The following AGAP1 variants were observed in gnomAD, a reference collection of about 807,000 sequenced individuals.
AGAP1 encodes the protein ArfGAP with GTPase domain, ankyrin repeat and PH domain 1, also known as arf-GAP with GTPase, ANK repeat and PH domain-containing protein 1.
In AGAP1, 29 loss-of-function variants were observed where a neutral mutation model predicts 105.3. The ratio of observed to expected loss-of-function variants is 0.28; its 90% CI spans 0.21 to 0.38. The LOEUF (loss-of-function observed/expected upper bound fraction) is 0.38. Ranked by LOEUF, AGAP1 falls within the 10% of genes least tolerant of loss-of-function variation. AGAP1 has a pLI of 1.00. For missense variants in AGAP1, 998 were observed against 1,165.1 expected, an observed-to-expected ratio of 0.86 and a Z score of 2.09; for synonymous variants, 509 against 485.9, an observed-to-expected ratio of 1.05 and a Z score of -0.63.
intron 1 of AGAP1, among the ~76,000 whole-genome samples, chr2:235,530,952 G>T (rs1943023322): frequency 6.6e-6 from 1 of 152,184 alleles, no homozygotes; most frequent in African/African-American, 2.4e-5. Context: ...TTGGGGCTGA[G>T]CCAGTCAACA....
rs1420192223 is a variant in AGAP1, at chr2:236,000,902, G to A, written c.1645+32279G>A. Among the ~76,000 whole-genome samples the A allele has an allele frequency of 1.3e-5, 2 of 152,190 alleles. No homozygotes were observed. Among genetic ancestry groups the A allele is most frequent in the Non-Finnish European group, 1.5e-5 (1 of 68,030 alleles). ...TGTGTGGAAGGAACCAGGGCCAAGC[G>A]AGGGAGGCAGATGCCGCGTGGCGTG... On this transcript the variant is annotated intron_variant, in intron 13 of 17. Coordinates refer to ENST00000304032, the MANE Select transcript of AGAP1 (RefSeq NM_001037131.3). This position sits in a 1 kb window ranked among gnomAD's most constrained non-coding sequence, Gnocchi z 4.3.
intron 1 of AGAP1, among the ~76,000 whole-genome samples, chr2:235,616,751 C>G (rs1559291628): frequency 6.6e-6 from 1 of 152,202 alleles, no homozygotes; most frequent in Non-Finnish European, 1.5e-5. Flanking sequence ...ATAAATGTTT[C>G]TGTCCTGAAC....
At chr2:235,838,071 A>T (rs1218898989) in intron 9 of AGAP1, among the ~76,000 whole-genome samples, 4 of 152,318 alleles carry the variant, frequency 2.6e-5, no homozygotes, top group Non-Finnish European at 5.9e-5. Flanking sequence ...ATGTAGTCCC[A>T]GCTACTTGGG....
chr2:235,806,551 G>A (rs142249877), intron 8 of AGAP1, among the ~76,000 whole-genome samples: 22 of 152,306 alleles, frequency 1.4e-4, no homozygotes, highest in Non-Finnish European at 2.8e-4. Flanking sequence ...TCCGCAGCAC[G>A]TCAGCAGTGC....
chr2:235,713,386 G>C (rs992173399), intron 2 of AGAP1, among the ~76,000 whole-genome samples: 1 of 152,230 alleles, frequency 6.6e-6, no homozygotes, highest in African/African-American at 2.4e-5. Context: ...CACACAGCCT[G>C]GCTTGAGCCT....
intron 1 of AGAP1, among the ~76,000 whole-genome samples, chr2:235,523,831 C>T (rs1358205716): frequency 2.0e-5 from 3 of 150,730 alleles, no homozygotes; most frequent in Non-Finnish European, 4.4e-5. Flanking sequence ...CCTGCTTGGA[C>T]GTAGCAGGGG....
intron 9 of AGAP1, among the ~76,000 whole-genome samples, chr2:235,850,050 T>G (rs1193466259): frequency 6.6e-6 from 1 of 152,210 alleles, no homozygotes; most frequent in African/African-American, 2.4e-5. Flanking sequence ...AGGTCTGGCC[T>G]GGCACCTGCC....
chr2:236,067,902 C>T (rs1051148097), intron 16 of AGAP1, among the ~76,000 whole-genome samples: 3 of 152,076 alleles, frequency 2.0e-5, no homozygotes, highest in Non-Finnish European at 2.9e-5. Flanking sequence ...GTCAGCCATC[C>T]GTCCTGTGCT....
At position 235,600,101 on chromosome 2, in the gene AGAP1, C is replaced by T. The variant is rs553293239; in HGVS notation, c.163+105252C>T. Among the ~76,000 whole-genome samples, 8 of 152,290 alleles carry T rather than the reference C, an allele frequency of 5.3e-5. No homozygotes were observed. Among genetic ancestry groups the T allele is most frequent in the African/African-American group, 1.9e-4 (8 of 41,558 alleles). On this transcript the variant is annotated intron_variant, in intron 1 of 17. Transcript: ENST00000304032. The surrounding 1 kb of genome is among the most constrained non-coding windows in gnomAD (Gnocchi z 4.8). ...CCTCTCTCCATCCCAGCCTTTCTTCCTCTCTCGTAACTGTTATTTACTCAG... is the reference window on the plus strand; with the variant it reads ...CCTCTCTCCATCCCAGCCTTTCTTCTTCTCTCGTAACTGTTATTTACTCAG...
Position 235,549,749 on chromosome 2 carries a change from A to G in AGAP1, c.163+54900A>G, listed in dbSNP as rs1000726032. Among the ~76,000 whole-genome samples the G allele has an allele frequency of 1.3e-5, 2 of 152,324 alleles. No homozygotes were observed. Among genetic ancestry groups the G allele is most frequent in the African/African-American group, 4.8e-5 (2 of 41,568 alleles). ...GAGTGCTCTTAGCAGTTCGCGTTCT[A>G]TATAGAACTGTTTACACCTCTCAGG... is the stretch of plus-strand genomic sequence containing the variant. On this transcript the variant is annotated intron_variant, in intron 1 of 17. Transcript: ENST00000304032. This position sits in a 1 kb window ranked among gnomAD's most constrained non-coding sequence, Gnocchi z 4.2.
rs1951000657 is a variant in AGAP1, at chr2:235,714,533, G to A, written c.223-3024G>A. 6.6e-6 allele frequency among the ~76,000 whole-genome samples: 1 copy of A among 151,814 alleles called. No homozygotes were observed. The highest frequency in any genetic ancestry group is 1.5e-5 in the Non-Finnish European group (1 of 67,966). ...GGCTTGGTAGCTGATTGACTAGAAG[G>A]CCAAGCAGGGAGCGGGCAGATGAGA... On this transcript the variant is annotated intron_variant, in intron 2 of 17. Coordinates refer to ENST00000304032, the MANE Select transcript of AGAP1 (RefSeq NM_001037131.3). This position sits in a 1 kb window ranked among gnomAD's most constrained non-coding sequence, Gnocchi z 4.1.
intron 10 of AGAP1, among the ~76,000 whole-genome samples, chr2:235,885,020 T>C (rs1250461910): frequency 6.6e-6 from 1 of 152,220 alleles, no homozygotes; most frequent in Non-Finnish European, 1.5e-5. Flanking sequence ...AGCCAAGCTA[T>C]TAATTTTTAA....
chr2:235,641,797 T>A lies in AGAP1; in HGVS notation c.164-67382T>A, dbSNP rs547747472. Among the ~76,000 whole-genome samples the A allele has an allele frequency of 5.2e-5, 8 of 152,398 alleles. No individual in the cohort carries two copies. In the South Asian group the frequency reaches 1.4e-3, roughly 28 times the overall value. On this transcript the variant is annotated intron_variant, in intron 1 of 17. Transcript: ENST00000304032. ...ATCTAATTTCAACACATTACCTGAT[T>A]CAGTATTCTGTGTCCTCTCCAGCCT...
At chr2:236,074,627 G>A (rs536919154) in intron 16 of AGAP1, among the ~76,000 whole-genome samples, 17 of 152,228 alleles carry the variant, frequency 1.1e-4, no homozygotes, top group East Asian at 3.9e-4. Flanking sequence ...AAAATGTTAC[G>A]AAACATTTAT....
intron 10 of AGAP1, among the ~76,000 whole-genome samples, chr2:235,892,620 G>A (rs1434674608): frequency 1.3e-5 from 2 of 151,522 alleles, no homozygotes; most frequent in African/African-American, 2.4e-5. Context: ...ATAGCAGCTC[G>A]TGGCTGTGCT....
intron 10 of AGAP1, among the ~76,000 whole-genome samples, chr2:235,884,180 G>A (rs2050159155): frequency 6.6e-6 from 1 of 152,116 alleles, no homozygotes; most frequent in Non-Finnish European, 1.5e-5. Context: ...AATATATGGT[G>A]GAAGTCAGTC....
rs1412847226 is a variant in AGAP1 at position 235,739,128 on chromosome 2, A to G, written c.311-1835A>G. Among the ~76,000 whole-genome samples the G allele has an allele frequency of 1.3e-5, 2 of 152,126 alleles. No homozygotes were observed. Among genetic ancestry groups the G allele is most frequent in the African/African-American group, 4.8e-5 (2 of 41,434 alleles). ...AACTTATTACTCCTCGCCTGCTAGG[A>G]CATCATCCCCTTTGCATCTGGGGAC... is the stretch of plus-strand genomic sequence containing the variant. On this transcript the variant is annotated intron_variant, in intron 3 of 17. Coordinates refer to ENST00000304032, the MANE Select transcript of AGAP1 (RefSeq NM_001037131.3). The surrounding 1 kb of genome is among the most constrained non-coding windows in gnomAD (Gnocchi z 5.3).
Position 235,754,427 on chromosome 2 carries a change from A to T in AGAP1, c.673+3939A>T, listed in dbSNP as rs540016699. Among the ~76,000 whole-genome samples the T allele has an allele frequency of 2.6e-4, 22 of 85,156 alleles. 1 individual carries two copies. In the South Asian group the frequency reaches 0.011, roughly 41 times the overall value. 55.9% of individuals were successfully genotyped at this position (85,156 alleles called of 152,430 possible). On this transcript the variant is annotated intron_variant, in intron 6 of 17. Coordinates refer to ENST00000304032, the MANE Select transcript of AGAP1 (RefSeq NM_001037131.3). The surrounding 1 kb of genome is among the most constrained non-coding windows in gnomAD (Gnocchi z 4.6). ...TCTACATAATGTTTGGCTTGTAAAT[A>T]AAAAAAAAAAAAAAATCCAGCTGCT... is the stretch of plus-strand genomic sequence containing the variant.
chr2:235,987,562 T>G (rs2125437894), intron 13 of AGAP1, among the ~76,000 whole-genome samples: 1 of 151,510 alleles, frequency 6.6e-6, no homozygotes, highest in Non-Finnish European at 1.5e-5. Context: ...AATTCTTCTC[T>G]GATCTTAGTT....
Sources: allele counts gnomAD v4.1 joint callset (sites outside exome capture counted in the v4.1 genomes callset), GRCh38; gene constraint gnomAD v4.1.1; non-coding constraint Gnocchi (gnomAD v3.1); transcripts MANE v1.5; gene names NCBI Gene and HGNC (gene_info 2026-07-23, HGNC 2026-07-21).